The following TRIM55 variants were observed in gnomAD, a reference collection of about 807,000 sequenced individuals.
The protein encoded by TRIM55 is tripartite motif containing 55.
A neutral mutation model predicts 60.9 loss-of-function variants in TRIM55; 50 were observed. That is an observed-to-expected ratio of 0.82 (90% confidence interval 0.65 to 1.04). The LOEUF (loss-of-function observed/expected upper bound fraction) is 1.04, where lower values mean the gene tolerates loss of function less well. Ranked by LOEUF, TRIM55 falls within the 50% of genes least tolerant of loss-of-function variation. TRIM55 has a pLI of 0.00. For synonymous variants in TRIM55, 237 were observed against 238.1 expected (o/e 1.00, Z 0.04); for missense variants, 681 against 666.9 (o/e 1.02, Z -0.23).
At chr8:66,153,013 A>G (rs1263245239) in intron 8 of TRIM55, among the ~76,000 whole-genome samples, 1 of 151,412 alleles carries the variant, frequency 6.6e-6, no homozygotes, top group Non-Finnish European at 1.5e-5. Context: ...GCTCTTTGTT[A>G]CTTAGTGAAT....
At chr8:66,156,861 G>T (rs970229359) in intron 9 of TRIM55, among the ~76,000 whole-genome samples, 7 of 152,196 alleles carry the variant, frequency 4.6e-5, no homozygotes, top group Non-Finnish European at 1.0e-4. Flanking sequence ...GGAAACCTGT[G>T]CACCCTAGAG....
the TRIM55 span, among the ~76,000 whole-genome samples, chr8:66,114,124 T>G: frequency 7.7e-6 from 1 of 130,098 alleles, no homozygotes; most frequent in Admixed American, 8.7e-5. Flanking sequence ...CAAAAAAGTC[T>G]GTCTTCAGCG....
At chr8:66,149,921 G>A (rs781270662) in intron 5 of TRIM55, 43 bp downstream of exon 5, 12 of 1,459,092 alleles carry the variant, frequency 8.2e-6, no homozygotes, top group Middle Eastern at 1.8e-4. Flanking sequence ...CAAAAGGTGG[G>A]TGTTGGAAAA....
upstream of TRIM55, among the ~76,000 whole-genome samples, chr8:66,122,636 C>T (rs992400028): frequency 6.6e-6 from 1 of 152,176 alleles, no homozygotes; most frequent in Admixed American, 6.5e-5. Context: ...CCCCCCAACT[C>T]ACTGATGGAT....
chr8:66,142,332 A>C (rs1809863171), intron 4 of TRIM55, among the ~76,000 whole-genome samples: 1 of 152,194 alleles, frequency 6.6e-6, no homozygotes, highest in Non-Finnish European at 1.5e-5. Flanking sequence ...ACACGTTGAG[A>C]ATGAATGGAG....
intron 4 of TRIM55, among the ~76,000 whole-genome samples, chr8:66,148,537 T>A (rs893536893): frequency 6.6e-6 from 1 of 152,162 alleles, no homozygotes; most frequent in Admixed American, 6.5e-5. Flanking sequence ...TGAAATTGCA[T>A]AGAGTTTGCA....
chr8:66,160,356 GGTGTGTGT>G (rs35422649), intron 9 of TRIM55, among the ~76,000 whole-genome samples: 1 of 145,968 alleles, frequency 6.9e-6, no homozygotes, highest in Non-Finnish European at 1.5e-5. Flanking sequence ...AGTATTCCAT[GGTGTGTGT>G]GTGTGTGTGT....
intron 9 of TRIM55, among the ~76,000 whole-genome samples, chr8:66,157,006 T>C (rs889605756): frequency 4.6e-5 from 7 of 152,250 alleles, no homozygotes; most frequent in African/African-American, 4.8e-5. Flanking sequence ...CATGCTTTAT[T>C]GGAACCAGGA....
chr8:66,172,971 T>TTTTG (rs891952594), intron 9 of TRIM55, among the ~76,000 whole-genome samples: 1 of 152,184 alleles, frequency 6.6e-6, no homozygotes. Flanking sequence ...AGGGTTTGTT[T>TTTTG]TTTGTTTGTT....
At position 66,154,303 on chromosome 8, in the gene TRIM55, A is replaced by G. The variant is rs935115369; in HGVS notation, c.1493A>G (p.Lys498Arg). The G allele has an allele frequency of 5.6e-6, 9 of 1,614,036 alleles. No homozygotes were observed. Among genetic ancestry groups the G allele is most frequent in the Non-Finnish European group, 7.6e-6 (9 of 1,180,018 alleles). Residue 498 changes from lysine (K) to arginine (R), a missense_variant, in exon 9 of 10, where the codon AAG becomes AGG. Coordinates refer to ENST00000315962, the MANE Select transcript of TRIM55 (RefSeq NM_184085.2). ...AASERAAVSG[K>R]ETSAPAATSQ... Reference sequence around the variant, plus strand: ...AGTGAGAGGGCAGCTGTGAGTGGTAAGGAAACTAGTGCACCTGCAGCTACT... The same window carrying G: ...AGTGAGAGGGCAGCTGTGAGTGGTAGGGAAACTAGTGCACCTGCAGCTACT...
At chr8:66,114,698 C>T in the TRIM55 span, 1 of 452,766 alleles carries the variant, frequency 2.2e-6, no homozygotes, top group Middle Eastern at 3.3e-4. Context: ...TGTTCGGCCC[C>T]ATCTCAAGTC....
chr8:66,174,736 C>A lies in TRIM55; in HGVS notation c.*143C>A. On this transcript the variant is annotated 3_prime_UTR_variant, in exon 10 of 10. Transcript: ENST00000315962. The stretch of plus-strand genomic sequence containing the variant: ...GCAAAAATAGCCCCAAACTGCAATT[C>A]CATATGACTTATCTAACATCTTGGG... The A allele has an allele frequency of 2.5e-6, 2 of 793,452 alleles. No homozygotes were observed. The highest frequency in any genetic ancestry group is 3.6e-6 in the Non-Finnish European group (2 of 551,390). The allele number at this position is 793,452 out of a possible 1,614,324, so 49.2% of individuals were successfully genotyped here.
chr8:66,170,021 G>C (rs2128986678), intron 9 of TRIM55, among the ~76,000 whole-genome samples: 1 of 152,162 alleles, frequency 6.6e-6, no homozygotes, highest in Non-Finnish European at 1.5e-5. Context: ...TAGGAACCAA[G>C]AAGGTAACAT....
intron 9 of TRIM55, among the ~76,000 whole-genome samples, chr8:66,166,395 G>A (rs1390664709): frequency 6.6e-6 from 1 of 152,152 alleles, no homozygotes; most frequent in African/African-American, 2.4e-5. Context: ...TTTTCAAATT[G>A]TTTATTATTC....
chr8:66,120,329 T>G, the TRIM55 span, among the ~76,000 whole-genome samples: 1 of 152,202 alleles, frequency 6.6e-6, no homozygotes, highest in South Asian at 2.1e-4. Context: ...CTCTAAATCC[T>G]TAGAATTTCC....
upstream of TRIM55, among the ~76,000 whole-genome samples, chr8:66,123,693 C>CA: frequency 6.6e-6 from 1 of 151,966 alleles, no homozygotes; most frequent in Non-Finnish European, 1.5e-5. Flanking sequence ...CTTGTCTCTG[C>CA]AAAAAATTTA....
chr8:66,136,608 C>T (rs1038613177), intron 3 of TRIM55, among the ~76,000 whole-genome samples: 3 of 152,162 alleles, frequency 2.0e-5, no homozygotes, highest in African/African-American at 4.8e-5. Flanking sequence ...ACATTTCTCC[C>T]CTAGAACTAG....
chr8:66,155,997 C>G (rs2128982556), intron 9 of TRIM55, among the ~76,000 whole-genome samples: 1 of 152,298 alleles, frequency 6.6e-6, no homozygotes, highest in Middle Eastern at 3.4e-3. Context: ...GAGGAGCAAA[C>G]CCTCCAGAAT....
intron 9 of TRIM55, chr8:66,155,754 T>C: frequency 7.4e-7 from 1 of 1,346,796 alleles, no homozygotes; most frequent in Non-Finnish European, 1.1e-6. Context: ...CTCACATAGT[T>C]TCTTCCATAA....
Sources: allele counts gnomAD v4.1 joint callset (sites outside exome capture counted in the v4.1 genomes callset), GRCh38; gene constraint gnomAD v4.1.1; transcripts MANE v1.5; gene names NCBI Gene and HGNC (gene_info 2026-07-23, HGNC 2026-07-21).